Variants in FMN1 observed in about 807,000 individuals in gnomAD.
FMN1 encodes formin-1.
Under a neutral mutation model 132.4 loss-of-function variants are expected in FMN1, and 110 were observed. The ratio of observed to expected loss-of-function variants is 0.83; its 90% confidence interval spans 0.71 to 0.97. FMN1 has a LOEUF of 0.97. Ranked by LOEUF, FMN1 falls within the 50% of genes least tolerant of loss-of-function variation. The probability of loss-of-function intolerance (pLI) is 0.00; values close to 1 mark genes in which losing one functional copy is unlikely to be tolerated. For missense variants in FMN1, 1,792 were observed against 1,705.3 expected (o/e 1.05, Z -0.90); for synonymous variants, 722 against 651.7 (o/e 1.11, Z -1.64).
intron 17 of FMN1, among the ~76,000 whole-genome samples, chr15:32,854,388 C>G (rs573475764): frequency 2.0e-5 from 3 of 152,170 alleles, no homozygotes; most frequent in Admixed American, 6.5e-5. Flanking sequence ...CAACAGTAGA[C>G]TTTTCTACCA....
At chr15:32,799,063 A>C in intron 18 of FMN1, 110 bp from the exon 19 acceptor site, 1 of 813,568 alleles carries the variant, frequency 1.2e-6, no homozygotes, top group Non-Finnish European at 1.9e-6. Context: ...TTTATTTTGT[A>C]ACACAGAAGC....
intron 5 of FMN1, among the ~76,000 whole-genome samples, chr15:33,074,451 A>G (rs1341862604): frequency 6.6e-6 from 1 of 152,256 alleles, no homozygotes; most frequent in African/African-American, 2.4e-5. Flanking sequence ...TTGGTTAAAA[A>G]GAAAACAGGC....
intron 4 of FMN1, among the ~76,000 whole-genome samples, chr15:33,098,679 A>C (rs2039177484): frequency 6.6e-6 from 1 of 152,170 alleles, no homozygotes; most frequent in Non-Finnish European, 1.5e-5. Context: ...TTCTAACATA[A>C]AGAGCAGGTA....
chr15:32,872,778 G>A (rs2059546202), intron 16 of FMN1, among the ~76,000 whole-genome samples: 1 of 152,168 alleles, frequency 6.6e-6, no homozygotes, highest in African/African-American at 2.4e-5. Context: ...ACAGCTGCAA[G>A]TCTTCCACGG....
At chr15:32,854,937 C>CA (rs904525644) in intron 17 of FMN1, among the ~76,000 whole-genome samples, 14 of 149,372 alleles carry the variant, frequency 9.4e-5, no homozygotes, top group East Asian at 5.9e-4. Flanking sequence ...AAAAAACAAA[C>CA]AAAAAAAAGA....
At chr15:33,036,402 T>C (rs975514538) in intron 6 of FMN1, among the ~76,000 whole-genome samples, 4 of 152,254 alleles carry the variant, frequency 2.6e-5, no homozygotes, top group African/African-American at 9.6e-5. Flanking sequence ...TAAGGTTTTA[T>C]ACATTAATTA....
At chr15:33,115,371 G>GT (rs1241610447) in intron 4 of FMN1, among the ~76,000 whole-genome samples, 1 of 152,116 alleles carries the variant, frequency 6.6e-6, no homozygotes, top group Non-Finnish European at 1.5e-5. Flanking sequence ...GAATGTATGT[G>GT]TAAGAAGATG....
At chr15:33,169,800 T>C (rs1965248778) in intron 3 of FMN1, among the ~76,000 whole-genome samples, 1 of 149,844 alleles carries the variant, frequency 6.7e-6, no homozygotes, top group Non-Finnish European at 1.5e-5. Context: ...CAGCATAAAT[T>C]GCAAAATAAA....
intron 9 of FMN1, among the ~76,000 whole-genome samples, chr15:32,932,001 G>A (rs72719330): frequency 0.026 from 4,021 of 152,048 alleles, 123 homozygotes; most frequent in East Asian, 0.12. Flanking sequence ...TTCTTTTAAT[G>A]TAATATATCA....
chr15:33,099,927 A>T (rs1378221500), intron 4 of FMN1, among the ~76,000 whole-genome samples: 2 of 152,194 alleles, frequency 1.3e-5, no homozygotes, highest in Admixed American at 6.5e-5. Flanking sequence ...TCAAAAGAGG[A>T]GGTGAGACTG....
intron 10 of FMN1, among the ~76,000 whole-genome samples, chr15:32,913,185 A>C (rs1011225124): frequency 6.6e-6 from 1 of 152,192 alleles, no homozygotes; most frequent in African/African-American, 2.4e-5. Context: ...GGAAAGGTCT[A>C]TGACACAGAA....
At chr15:33,005,851 A>G (rs2034386725) in intron 7 of FMN1, among the ~76,000 whole-genome samples, 1 of 152,190 alleles carries the variant, frequency 6.6e-6, no homozygotes, top group Non-Finnish European at 1.5e-5. Flanking sequence ...CAGAACAAAG[A>G]AAAAGAAAGA....
chr15:32,902,047 A>C lies in FMN1; in HGVS notation c.3378-7T>G. On this transcript the variant is annotated splice_polypyrimidine_tract_variant and splice_region_variant and intron_variant, in intron 12 of 20. Transcript: ENST00000616417. ...GGCTAACTCATGTAAAAATCTGTAA[A>C]AAAGAAAATGTGTCATCTACCTTCA... 1.2e-6 allele frequency: 2 copies of C among 1,603,330 alleles called. No homozygotes were observed. Among genetic ancestry groups the C allele is most frequent in the Non-Finnish European group, 1.7e-6 (2 of 1,176,562 alleles).
chr15:33,124,382 C>A (rs901580316), intron 4 of FMN1, among the ~76,000 whole-genome samples: 2 of 149,322 alleles, frequency 1.3e-5, no homozygotes, highest in African/African-American at 2.4e-5. Context: ...GTAGGACCCT[C>A]TGTACATTTC....
chr15:32,904,636 A>G (rs2060377055), intron 12 of FMN1, among the ~76,000 whole-genome samples: 1 of 152,198 alleles, frequency 6.6e-6, no homozygotes, highest in Non-Finnish European at 1.5e-5. Context: ...AGATGTTGTG[A>G]AGAGTCCAGG....
At chr15:32,791,082 A>G (rs529312625) in intron 19 of FMN1, among the ~76,000 whole-genome samples, 1 of 152,294 alleles carries the variant, frequency 6.6e-6, no homozygotes, top group African/African-American at 2.4e-5. Context: ...TTATCCAGTG[A>G]GAACACAAGG....
intron 17 of FMN1, among the ~76,000 whole-genome samples, chr15:32,821,575 C>T (rs1196323399): frequency 6.6e-6 from 1 of 151,478 alleles, no homozygotes; most frequent in Non-Finnish European, 1.5e-5. Flanking sequence ...CCCCAGCCTC[C>T]CAAGTAGCTG....
chr15:33,125,187 T>C (rs936728370), intron 4 of FMN1, among the ~76,000 whole-genome samples: 1 of 152,154 alleles, frequency 6.6e-6, no homozygotes, highest in Non-Finnish European at 1.5e-5. Context: ...TTACTGTGAA[T>C]CACTTACTCA....
At chr15:32,800,369 A>G (rs1299045890) in intron 18 of FMN1, among the ~76,000 whole-genome samples, 1 of 152,222 alleles carries the variant, frequency 6.6e-6, no homozygotes, top group Non-Finnish European at 1.5e-5. Context: ...ATAATTCCAA[A>G]CATACATAAT....
Sources: allele counts gnomAD v4.1 joint callset (sites outside exome capture counted in the v4.1 genomes callset), GRCh38; gene constraint gnomAD v4.1.1; transcripts MANE v1.5; gene names NCBI Gene and HGNC (gene_info 2026-07-23, HGNC 2026-07-21).